VEGFC: variants seen among roughly 807,000 people sequenced by gnomAD.
The protein encoded by VEGFC is vascular endothelial growth factor C.
A neutral mutation model predicts 46.1 loss-of-function variants in VEGFC; 12 were observed. The observed-to-expected ratio is 0.26, with a 90% CI of 0.17 to 0.42. The LOEUF (loss-of-function observed/expected upper bound fraction) is 0.42, where lower values mean the gene tolerates loss of function less well. Among genes scored for constraint, VEGFC ranks in the 10% least tolerant of loss-of-function variants. The probability of loss-of-function intolerance (pLI) is 1.00; values close to 1 mark genes in which losing one functional copy is unlikely to be tolerated. For synonymous variants in VEGFC, 232 were observed against 195.5 expected, an observed-to-expected ratio of 1.19 and a Z score of -1.56; for missense variants, 488 against 529.4, an observed-to-expected ratio of 0.92 and a Z score of 0.77.
chr4:176,723,020 C>T (rs1734815035), intron 3 of VEGFC, among the ~76,000 whole-genome samples: 1 of 152,146 alleles, frequency 6.6e-6, no homozygotes, highest in South Asian at 2.1e-4. Flanking sequence ...ATTTACTTTG[C>T]TTACTAACAA....
intron 1 of VEGFC, among the ~76,000 whole-genome samples, chr4:176,746,515 T>C (rs528579504): frequency 8.3e-4 from 126 of 152,204 alleles, no homozygotes; most frequent in Non-Finnish European, 1.4e-3. Flanking sequence ...AATTTAGTAG[T>C]TTGTGAGCAC....
At chr4:176,757,695 AC>A (rs1735459266) in intron 1 of VEGFC, among the ~76,000 whole-genome samples, 1 of 151,898 alleles carries the variant, frequency 6.6e-6, no homozygotes, top group African/African-American at 2.4e-5. Context: ...AGTTGAACAT[AC>A]CGTCTGCTAG....
At chr4:176,722,368 T>C (rs1449346360) in intron 3 of VEGFC, among the ~76,000 whole-genome samples, 4 of 152,184 alleles carry the variant, frequency 2.6e-5, no homozygotes, top group Non-Finnish European at 4.4e-5. Flanking sequence ...AATTTTCTTA[T>C]AGCAAATATC....
At chr4:176,690,805 T>C (rs1331371456) in intron 4 of VEGFC, among the ~76,000 whole-genome samples, 1 of 152,182 alleles carries the variant, frequency 6.6e-6, no homozygotes, top group African/African-American at 2.4e-5. Context: ...TGATATATGG[T>C]TTAAGTAACA....
chr4:176,723,675 TG>T (rs1734827311), intron 3 of VEGFC, among the ~76,000 whole-genome samples: 1 of 149,752 alleles, frequency 6.7e-6, no homozygotes, highest in South Asian at 2.1e-4. Flanking sequence ...GGTTTCGCGG[TG>T]CATATGCAGA....
intron 1 of VEGFC, among the ~76,000 whole-genome samples, chr4:176,736,242 C>G (rs1485083097): frequency 6.6e-6 from 1 of 151,858 alleles, no homozygotes; most frequent in Non-Finnish European, 1.5e-5. Flanking sequence ...TTCTAGAAAG[C>G]TTTCCTAATA....
chr4:176,769,819 T>C (rs1256261448), intron 1 of VEGFC, among the ~76,000 whole-genome samples: 3 of 152,158 alleles, frequency 2.0e-5, no homozygotes, highest in Non-Finnish European at 4.4e-5. Flanking sequence ...CTGAGGCCCA[T>C]CACTAAATTC....
intron 1 of VEGFC, among the ~76,000 whole-genome samples, chr4:176,781,621 C>T (rs1259147143): frequency 1.3e-5 from 2 of 152,138 alleles, no homozygotes; most frequent in Admixed American, 6.5e-5. Flanking sequence ...GCTGTGTGGT[C>T]ACTTCAGTTA....
intron 1 of VEGFC, among the ~76,000 whole-genome samples, chr4:176,777,819 T>C (rs1165306662): frequency 1.4e-5 from 2 of 138,476 alleles, no homozygotes; most frequent in African/African-American, 5.3e-5. Context: ...CTCGGGAGGC[T>C]GGGGCAGGAG....
intron 1 of VEGFC, among the ~76,000 whole-genome samples, chr4:176,736,730 G>A (rs1579113841): frequency 6.6e-6 from 1 of 151,580 alleles, no homozygotes; most frequent in Non-Finnish European, 1.5e-5. Context: ...TATTTCTTTA[G>A]TAAAATTAAT....
chr4:176,709,976 T>C (rs181309369), intron 4 of VEGFC, among the ~76,000 whole-genome samples: 8 of 152,120 alleles, frequency 5.3e-5, no homozygotes, highest in African/African-American at 1.9e-4. Flanking sequence ...AAATAATCAA[T>C]TGTGTTTAGA....
At chr4:176,706,625 CAAAAAAAAAAAAAAA>C (rs55996370) in intron 4 of VEGFC, among the ~76,000 whole-genome samples, 1 of 63,448 alleles carries the variant, frequency 1.6e-5, no homozygotes, top group African/African-American at 8.2e-5. Context: ...GAATCTGTCT[CAAAAAAAAAAAAAAA>C]AAAAAAAAAA....
At chr4:176,712,559 T>C (rs1734636978) in intron 3 of VEGFC, among the ~76,000 whole-genome samples, 1 of 152,218 alleles carries the variant, frequency 6.6e-6, no homozygotes, top group South Asian at 2.1e-4. Context: ...ACTAACTGCT[T>C]GATAAGATCA....
At chr4:176,751,999 ATTTC>A (rs1022079091) in intron 1 of VEGFC, among the ~76,000 whole-genome samples, 6 of 151,980 alleles carry the variant, frequency 3.9e-5, no homozygotes, top group African/African-American at 1.2e-4. Flanking sequence ...TAAATTTCAT[ATTTC>A]TTTGTTTTTA....
At chr4:176,788,159 T>C (rs1199303090) in intron 1 of VEGFC, among the ~76,000 whole-genome samples, 3 of 152,212 alleles carry the variant, frequency 2.0e-5, no homozygotes, top group African/African-American at 7.2e-5. Flanking sequence ...TGAGCACAAC[T>C]TTGAAAAACC....
At chr4:176,715,852 C>A (rs2111003454) in intron 3 of VEGFC, among the ~76,000 whole-genome samples, 1 of 152,212 alleles carries the variant, frequency 6.6e-6, no homozygotes, top group African/African-American at 2.4e-5. Flanking sequence ...ATTTTCAAAT[C>A]ACTGGCAACT....
chr4:176,719,125 C>T (rs942151832), intron 3 of VEGFC, among the ~76,000 whole-genome samples: 4 of 152,118 alleles, frequency 2.6e-5, no homozygotes, highest in Admixed American at 6.5e-5. Flanking sequence ...CTTCCTCACA[C>T]GCCCTGATAA....
In VEGFC at chr4:176,687,101, A is replaced by G. The variant is rs1039312442; in HGVS notation, c.1145+86T>C. On this transcript the variant is annotated intron_variant, in intron 6 of 6. Transcript: ENST00000618562. ...TGTATTGGCCTCATTCTAACAAGCA[A>G]TTGTTACTTTGGTTAAGAAAACTGC... The G allele has an allele frequency of 9.4e-6, 13 of 1,382,794 alleles. No individual in the cohort carries two copies. In the African/African-American group the frequency reaches 1.2e-4, roughly 12 times the overall value. The allele number at this position is 1,382,794 out of a possible 1,614,324, so 85.7% of individuals were successfully genotyped here.
At chr4:176,691,010 A>G (rs1308381551) in intron 4 of VEGFC, among the ~76,000 whole-genome samples, 1 of 152,220 alleles carries the variant, frequency 6.6e-6, no homozygotes, top group African/African-American at 2.4e-5. Context: ...AATGATATGT[A>G]ATAAAATACA....
Sources: gnomAD v4.1 joint callset for allele counts (sites outside exome capture counted in the v4.1 genomes callset) on GRCh38, gnomAD v4.1.1 for gene constraint, MANE v1.5 for transcripts, NCBI Gene and HGNC (gene_info 2026-07-23, HGNC 2026-07-21) for gene names.